Variants in STXBP5L observed in about 807,000 individuals in gnomAD.
STXBP5L encodes syntaxin-binding protein 5-like.
Under a neutral mutation model 144.5 loss-of-function variants are expected in STXBP5L, and 65 were observed. That is an observed-to-expected ratio of 0.45 (90% CI 0.37 to 0.55). The LOEUF (loss-of-function observed/expected upper bound fraction) is 0.55. Among genes scored for constraint, STXBP5L ranks in the 20% least tolerant of loss-of-function variants. The probability of loss-of-function intolerance (pLI) is 0.00; values close to 1 mark genes in which losing one functional copy is unlikely to be tolerated. For missense variants in STXBP5L, 1,298 were observed against 1,405.5 expected, an observed-to-expected ratio of 0.92 and a Z score of 1.22; for synonymous variants, 505 against 469.6, an observed-to-expected ratio of 1.08 and a Z score of -0.97.
At chr3:121,304,243 A>G (rs1346206110) in intron 19 of STXBP5L, among the ~76,000 whole-genome samples, 1 of 152,202 alleles carries the variant, frequency 6.6e-6, no homozygotes, top group Admixed American at 6.5e-5. Flanking sequence ...ATATGAAGCA[A>G]AAACTGTCAA....
At chr3:121,195,870 C>A (rs536223744) in intron 9 of STXBP5L, among the ~76,000 whole-genome samples, 2 of 152,212 alleles carry the variant, frequency 1.3e-5, no homozygotes, top group African/African-American at 4.8e-5. Flanking sequence ...CTGGCCCTGC[C>A]CCCTGGGACA....
chr3:121,206,100 G>C (rs769000387), intron 10 of STXBP5L, 99 bp downstream of exon 10: 1 of 639,380 alleles, frequency 1.6e-6, no homozygotes. Context: ...TTACAAAATT[G>C]TAAAGACAAC....
chr3:121,172,780 C>T (rs759652256), intron 9 of STXBP5L, among the ~76,000 whole-genome samples: 4 of 152,186 alleles, frequency 2.6e-5, no homozygotes, highest in East Asian at 1.9e-4. Context: ...GGTGATTCCT[C>T]AAGGATCTAG....
intron 3 of STXBP5L, among the ~76,000 whole-genome samples, chr3:121,027,146 T>C (rs892913249): frequency 1.3e-5 from 2 of 152,020 alleles, no homozygotes; most frequent in Admixed American, 6.6e-5. Context: ...TATATATATG[T>C]ATATATCCAT....
intron 9 of STXBP5L, among the ~76,000 whole-genome samples, chr3:121,192,251 A>G (rs2047725796): frequency 6.6e-6 from 1 of 152,188 alleles, no homozygotes; most frequent in Non-Finnish European, 1.5e-5. Flanking sequence ...ACACCTAGGC[A>G]TACAACTTAC....
intron 3 of STXBP5L, among the ~76,000 whole-genome samples, chr3:120,984,406 G>A (rs1251445916): frequency 6.6e-6 from 1 of 152,090 alleles, no homozygotes; most frequent in East Asian, 1.9e-4. Flanking sequence ...GTTGGGAAGT[G>A]ATGCCAGGGC....
chr3:121,106,250 AAATTT>A (rs1293885612), intron 5 of STXBP5L, among the ~76,000 whole-genome samples: 2 of 152,158 alleles, frequency 1.3e-5, no homozygotes, highest in East Asian at 3.9e-4. Flanking sequence ...ACATTTTTAA[AAATTT>A]AATTTAAAGT....
chr3:120,971,312 G>T (rs1036514707), intron 3 of STXBP5L, among the ~76,000 whole-genome samples: 2 of 151,902 alleles, frequency 1.3e-5, no homozygotes, highest in African/African-American at 4.8e-5. Context: ...TGAGGATTTT[G>T]TACCCGTCAC....
intron 18 of STXBP5L, among the ~76,000 whole-genome samples, chr3:121,275,682 ATTGGTTTTCATG>A (rs1450987735): frequency 3.9e-5 from 6 of 151,978 alleles, no homozygotes; most frequent in Non-Finnish European, 1.5e-5. Flanking sequence ...TTTCAGTTCT[ATTGGTTTTCATG>A]AATTTTGAAG....
chr3:121,324,455 G>T (rs1016696857), intron 20 of STXBP5L: 3 of 660,244 alleles, frequency 4.5e-6, no homozygotes, highest in Non-Finnish European at 8.1e-6. Flanking sequence ...TTAGGCTAAG[G>T]TACTCCATGC....
chr3:120,927,936 AT>A (rs1439153862), intron 2 of STXBP5L, among the ~76,000 whole-genome samples: 1 of 152,106 alleles, frequency 6.6e-6, no homozygotes, highest in Non-Finnish European at 1.5e-5. Context: ...GTGCTCATAT[AT>A]TTTATTCTGT....
At chr3:121,040,039 A>T (rs1947040067) in intron 3 of STXBP5L, among the ~76,000 whole-genome samples, 1 of 140,586 alleles carries the variant, frequency 7.1e-6, no homozygotes, top group African/African-American at 2.7e-5. Context: ...CAACATATGC[A>T]GTGTAGTATA....
chr3:121,002,802 G>A (rs1043366448), intron 3 of STXBP5L, among the ~76,000 whole-genome samples: 2 of 150,934 alleles, frequency 1.3e-5, no homozygotes, highest in African/African-American at 2.4e-5. Context: ...GAGAACATGC[G>A]GTGTTTGGTT....
At chr3:121,290,778 T>TTTATTGTGTGTAAA (rs1280670420) in intron 19 of STXBP5L, among the ~76,000 whole-genome samples, 3 of 151,724 alleles carry the variant, frequency 2.0e-5, no homozygotes, top group African/African-American at 7.2e-5. Context: ...ATGTGATACA[T>TTTATTGTGTGTAAA]CACGAAACAA....
chr3:121,285,137 G>A (rs868210573), intron 19 of STXBP5L, among the ~76,000 whole-genome samples: 4 of 151,998 alleles, frequency 2.6e-5, no homozygotes, highest in Middle Eastern at 3.4e-3. Context: ...TGGGGTAATA[G>A]AACCCAGTTC....
At chr3:121,365,019 T>C (rs974472632) in intron 20 of STXBP5L, among the ~76,000 whole-genome samples, 1 of 151,920 alleles carries the variant, frequency 6.6e-6, no homozygotes, top group Non-Finnish European at 1.5e-5. Context: ...TGAGTCTGCT[T>C]GGTATATTTA....
chr3:121,047,405 T>G (rs1947592670), intron 5 of STXBP5L, among the ~76,000 whole-genome samples: 1 of 152,192 alleles, frequency 6.6e-6, no homozygotes, highest in Non-Finnish European at 1.5e-5. Flanking sequence ...CTGAAAATCT[T>G]TGTTAATTTT....
chr3:121,039,885 A>G (rs985430854), intron 3 of STXBP5L, among the ~76,000 whole-genome samples: 2 of 151,618 alleles, frequency 1.3e-5, no homozygotes, highest in African/African-American at 4.8e-5. Flanking sequence ...TTATTGACAT[A>G]TTTTCAAGTT....
At chr3:121,161,974 A>T (rs890921164) in intron 9 of STXBP5L, among the ~76,000 whole-genome samples, 1 of 152,182 alleles carries the variant, frequency 6.6e-6, no homozygotes. Flanking sequence ...TTAGTTTCTT[A>T]TGATGCAATT....
Sources: gnomAD v4.1 joint callset for allele counts (sites outside exome capture counted in the v4.1 genomes callset) on GRCh38, gnomAD v4.1.1 for gene constraint, MANE v1.5 for transcripts, NCBI Gene and HGNC (gene_info 2026-07-23, HGNC 2026-07-21) for gene names.